USP20: variants seen among roughly 807,000 people sequenced by gnomAD.
USP20 encodes the protein ubiquitin carboxyl-terminal hydrolase 20.
In USP20, 80 loss-of-function variants were observed where a neutral mutation model predicts 124.2. That is an observed-to-expected ratio of 0.64 (90% CI 0.54 to 0.78). The LOEUF (loss-of-function observed/expected upper bound fraction) is 0.78. Among genes scored for constraint, USP20 ranks in the 30% least tolerant of loss-of-function variants. The pLI is 0.00. For synonymous variants in USP20, 481 were observed against 512.3 expected (o/e 0.94, Z 0.83); for missense variants, 1,043 against 1,244.4 (o/e 0.84, Z 2.44).
intron 4 of USP20, among the ~76,000 whole-genome samples, chr9:129,857,374 T>C (rs10116273): frequency 0.88 from 133,568 of 152,238 alleles, 58,986 homozygotes; most frequent in East Asian, 1. Flanking sequence ...TATGATTCCA[T>C]TGTTTTCCCA....
chr9:129,852,913 G>A (rs754290714), intron 3 of USP20, among the ~76,000 whole-genome samples: 14 of 152,184 alleles, frequency 9.2e-5, no homozygotes, highest in Non-Finnish European at 1.6e-4. Context: ...CCAAGGCAGG[G>A]AATGAATGCT....
chr9:129,875,858 T>TA (rs2034371424), intron 21 of USP20, among the ~76,000 whole-genome samples: 1 of 6,936 alleles, frequency 1.4e-4, no homozygotes, highest in African/African-American at 2.6e-4. Context: ...GACAGGAAAC[T>TA]GGCTGAAGCA....
At chr9:129,840,464 C>T (rs1325707183) in intron 1 of USP20, among the ~76,000 whole-genome samples, 1 of 152,170 alleles carries the variant, frequency 6.6e-6, no homozygotes, top group African/African-American at 2.4e-5. Flanking sequence ...CCAGAAAACC[C>T]GCTCCCTGCT....
intron 22 of USP20, among the ~76,000 whole-genome samples, chr9:129,877,694 C>A (rs1287853297): frequency 2.0e-5 from 3 of 151,244 alleles, no homozygotes; most frequent in Non-Finnish European, 4.4e-5. Flanking sequence ...GAGACCACCC[C>A]CCATCTCGAA....
At chr9:129,845,649 C>T (rs2032494742) in intron 1 of USP20, among the ~76,000 whole-genome samples, 1 of 151,880 alleles carries the variant, frequency 6.6e-6, no homozygotes, top group Non-Finnish European at 1.5e-5. Flanking sequence ...CCTCAGCTTC[C>T]CAAAAGCACT....
chr9:129,869,562 C>T, intron 13 of USP20, 110 bp from the exon 14 acceptor site: 1 of 1,542,544 alleles, frequency 6.5e-7, no homozygotes, highest in Non-Finnish European at 8.9e-7. Context: ...CTGCGTGGAT[C>T]CCGTGTCTAT....
intron 1 of USP20, among the ~76,000 whole-genome samples, chr9:129,848,670 G>A (rs1348658376): frequency 2.0e-5 from 3 of 148,806 alleles, no homozygotes; most frequent in African/African-American, 7.6e-5. Context: ...AAAAAGAATG[G>A]GCCAAGTTAT....
Position 129,847,897 on chromosome 9 carries a change from A to ATT in USP20, c.-128-1900_-128-1899dup, listed in dbSNP as rs35466615. On this transcript the variant is annotated intron_variant, in intron 1 of 25. Transcript: ENST00000372429. ...TATGGTATATATGTTTTTGTATCTG[A>ATT]TTTTTTTTTTTTTTTTTGCTCAGTT... 1.3e-4 allele frequency among the ~76,000 whole-genome samples: 18 copies of ATT among 133,814 alleles called. 1 individual carries two copies. The highest frequency in any genetic ancestry group is 2.2e-4 in the East Asian group (1 of 4,584). 87.8% of individuals were successfully genotyped at this position (133,814 alleles called of 152,430 possible).
Position 129,879,331 on chromosome 9 carries a change from GC to G in USP20, c.2513-240del, listed in dbSNP as rs1228724754. 9.4e-6 allele frequency: 5 copies of G among 530,216 alleles called. No individual in the cohort carries two copies. Among genetic ancestry groups the G allele is most frequent in the Non-Finnish European group, 1.7e-5 (5 of 296,938 alleles). 32.8% of individuals were successfully genotyped at this position (530,216 alleles called of 1,614,324 possible). A position where few individuals can be genotyped will look rare whatever the true frequency, so the allele number is the denominator to read the frequency against. On this transcript the variant is annotated intron_variant, in intron 23 of 25. Transcript: ENST00000372429. The surrounding 1 kb of genome is among the most constrained non-coding windows in gnomAD (Gnocchi z 4.2). ...GCTGCCAGCAGAGATAAGGGCATGG[GC>G]CATCCACCGCAGCTCCTGCGGCCAG...
At chr9:129,855,443 A>G (rs1027805758) in intron 3 of USP20, among the ~76,000 whole-genome samples, 1 of 152,060 alleles carries the variant, frequency 6.6e-6, no homozygotes, top group African/African-American at 2.4e-5. Flanking sequence ...AACAAAAAAA[A>G]AAAAGAAGTT....
At position 129,876,313 on chromosome 9, in the gene USP20, G is replaced by T. The variant is rs967409166; in HGVS notation, c.2409+75G>T. 1.1e-5 allele frequency: 14 copies of T among 1,313,812 alleles called. No individual in the cohort carries two copies. In the African/African-American group the frequency reaches 1.8e-4, roughly 16 times the overall value. The allele number at this position is 1,313,812 out of a possible 1,614,324, so 81.4% of individuals were successfully genotyped here. On this transcript the variant is annotated intron_variant, in intron 22 of 25. Coordinates refer to ENST00000372429, the MANE Select transcript of USP20 (RefSeq NM_001110303.4). ...GGCAGCTGGGGACTTGGGGACAGAAGAATCCTGTGCAGTCCCTGAGCAAGT... is the reference window on the plus strand; with the variant it reads ...GGCAGCTGGGGACTTGGGGACAGAATAATCCTGTGCAGTCCCTGAGCAAGT...
At chr9:129,866,356 A>C in intron 10 of USP20, among the ~76,000 whole-genome samples, 1 of 152,224 alleles carries the variant, frequency 6.6e-6, no homozygotes. Flanking sequence ...ACTAAAATTC[A>C]CTGAGCACCA....
intron 17 of USP20, among the ~76,000 whole-genome samples, chr9:129,874,324 A>G (rs2034277902): frequency 6.6e-6 from 1 of 152,120 alleles, no homozygotes; most frequent in Admixed American, 6.5e-5. Context: ...GTGGCTTCTC[A>G]AAGGTAGTGC....
intron 19 of USP20, 136 bp from the exon 20 acceptor site, chr9:129,875,174 A>C (rs1394905392): frequency 1.6e-6 from 2 of 1,235,110 alleles, no homozygotes; most frequent in Non-Finnish European, 2.2e-6. Flanking sequence ...GGCTGCTCAC[A>C]TGTCCAGGAC....
intron 12 of USP20, 60 bp from the exon 13 acceptor site, chr9:129,869,250 C>T (rs1190120714): frequency 6.5e-7 from 1 of 1,534,218 alleles, no homozygotes; most frequent in Non-Finnish European, 9.0e-7. Context: ...AGCCGCAGGG[C>T]CCGCACCTCG....
rs536729192 is a variant in USP20 at position 129,869,094 on chromosome 9, G to A, written c.1276+92G>A. 16 of 1,478,326 alleles carry A rather than the reference G, an allele frequency of 1.1e-5. No individual in the cohort carries two copies. The East Asian group carries it at 2.9e-4, about 27-fold the overall frequency. 91.6% of individuals were successfully genotyped at this position (1,478,326 alleles called of 1,614,324 possible). A position where few individuals can be genotyped will look rare whatever the true frequency, so the allele number is the denominator to read the frequency against. ...TTCTCATGGCCCCCTGTGGCGGAGG[G>A]CCGGGCTATGGGCTCCTCTCAGGTA... On this transcript the variant is annotated intron_variant, in intron 12 of 25. Transcript: ENST00000372429.
chr9:129,869,627 G>T, intron 13 of USP20, 45 bp from the exon 14 acceptor site: 1 of 1,608,306 alleles, frequency 6.2e-7, no homozygotes, highest in Non-Finnish European at 8.5e-7. Flanking sequence ...TTGGGGTGCA[G>T]ACATTGCCAG....
chr9:129,864,469 CAAAAAAAA>C (rs575582320), intron 9 of USP20, among the ~76,000 whole-genome samples: 21,414 of 116,852 alleles, frequency 0.18, 2,091 homozygotes, highest in Non-Finnish European at 0.25. Flanking sequence ...GACCCTGTCT[CAAAAAAAA>C]AAAAAAAAAA....
chr9:129,857,705 C>T (rs1203531004), intron 4 of USP20, among the ~76,000 whole-genome samples: 2 of 152,198 alleles, frequency 1.3e-5, no homozygotes, highest in Non-Finnish European at 2.9e-5. Context: ...CAATAACTGA[C>T]CCCACTTCAC....
Sources: gnomAD v4.1 joint callset for allele counts (sites outside exome capture counted in the v4.1 genomes callset) on GRCh38, gnomAD v4.1.1 for gene constraint, Gnocchi (gnomAD v3.1) non-coding constraint, MANE v1.5 for transcripts, NCBI Gene and HGNC (gene_info 2026-07-23, HGNC 2026-07-21) for gene names.